ACAD8: variants seen among roughly 807,000 people sequenced by gnomAD.
The protein encoded by ACAD8 is acyl-CoA dehydrogenase family member 8.
In ACAD8, 47 loss-of-function variants were observed where a neutral mutation model predicts 53.1. The ratio of observed to expected loss-of-function variants is 0.89; its 90% CI spans 0.70 to 1.13. The LOEUF is 1.13. ACAD8 is among the 50% of genes most tolerant of loss of function. The pLI, the probability that ACAD8 is intolerant of heterozygous loss-of-function variation, is 0.00. For missense variants in ACAD8, 494 were observed against 535.0 expected, an observed-to-expected ratio of 0.92 and a Z score of 0.76; for synonymous variants, 198 against 201.3, an observed-to-expected ratio of 0.98 and a Z score of 0.14.
intron 1 of ACAD8, among the ~76,000 whole-genome samples, chr11:134,255,344 C>T (rs1180238729): frequency 6.6e-6 from 1 of 152,210 alleles, no homozygotes; most frequent in Non-Finnish European, 1.5e-5. Flanking sequence ...CCATGTTGGA[C>T]AAGCTGGACT....
chr11:134,263,062 T>TA (rs1939994662), intron 10 of ACAD8: 1 of 1,175,784 alleles, frequency 8.5e-7, no homozygotes, highest in Admixed American at 3.8e-5. Context: ...CCTGTCTCAA[T>TA]ATTACTAGTG....
intron 1 of ACAD8, among the ~76,000 whole-genome samples, chr11:134,255,216 A>T (rs1225699647): frequency 6.6e-6 from 1 of 152,174 alleles, no homozygotes; most frequent in East Asian, 1.9e-4. Flanking sequence ...AACTCACCGC[A>T]ACCTCTGCCC....
intron 10 of ACAD8, chr11:134,263,172 G>A (rs1335434553): frequency 9.3e-7 from 1 of 1,069,732 alleles, no homozygotes; most frequent in Non-Finnish European, 1.1e-6. Flanking sequence ...CGGGCTCGGA[G>A]CCTGGCTGTC....
intron 1 of ACAD8, 31 bp downstream of exon 1, chr11:134,253,740 G>A: frequency 1.3e-6 from 2 of 1,559,454 alleles, no homozygotes; most frequent in Non-Finnish European, 1.7e-6. Context: ...AGTAGGACAG[G>A]TGTCCAGAAC....
At chr11:134,256,240 A>C (rs1027158424) in intron 1 of ACAD8, among the ~76,000 whole-genome samples, 5 of 152,242 alleles carry the variant, frequency 3.3e-5, no homozygotes. Context: ...ATAATGACCA[A>C]AGTTCTAGCA....
chr11:134,256,828 CTT>C, intron 2 of ACAD8, 180 bp downstream of exon 2: 1 of 680,194 alleles, frequency 1.5e-6, no homozygotes, highest in Non-Finnish European at 2.4e-6. Flanking sequence ...TTGTACATAA[CTT>C]TTTTTTTGTT....
chr11:134,256,557 G>A lies in ACAD8; in HGVS notation c.119G>A (p.Gly40Glu). The A allele has an allele frequency of 6.2e-7, 1 of 1,614,132 alleles. No homozygotes were observed. The highest frequency in any genetic ancestry group is 1.3e-5 in the African/African-American group (1 of 75,040). Residue 40 changes from glycine (G) to glutamate (E), a missense_variant, in exon 2 of 11, where the codon GGA (glycine) becomes GAA (glutamate). Coordinates refer to ENST00000281182, the MANE Select transcript of ACAD8 (RefSeq NM_014384.3). ...SLTSCIDPSM[G>E]LNEEQKEFQK... ...GCAATCCTGCCCACAGCTTCCATGG[G>A]ACTTAATGAAGAGCAGAAAGAATTT...
intron 10 of ACAD8, 50 bp downstream of exon 10, chr11:134,262,672 C>T (rs747723603): frequency 2.6e-5 from 41 of 1,558,858 alleles, no homozygotes; most frequent in Non-Finnish European, 3.5e-5. Flanking sequence ...GGGGCGGGAT[C>T]GCTGCTTTCC....
chr11:134,257,532 G>C (rs1226522897), intron 3 of ACAD8, among the ~76,000 whole-genome samples: 1 of 152,040 alleles, frequency 6.6e-6, no homozygotes, highest in Admixed American at 6.5e-5. Context: ...AATTAGCCGG[G>C]TGTGGTGGCT....
chr11:134,258,542 C>T lies in ACAD8; in HGVS notation c.408C>T (p.Phe136=), dbSNP rs143408080. 146 of 1,613,728 alleles carry T rather than the reference C, an allele frequency of 9.0e-5. 1 individual carries two copies. Among genetic ancestry groups the T allele is most frequent in the Middle Eastern group, 1.6e-4 (1 of 6,062 alleles). The change falls in exon 4 of 11, where the codon TTC becomes TTT. Residue 136 remains phenylalanine, a synonymous_variant. Coordinates refer to ENST00000281182, the MANE Select transcript of ACAD8 (RefSeq NM_014384.3). The part of the protein sequence containing the change: ...HNMCAWMIDS[F]GNEEQRHKFC... ...TGTGTGCCTGGATGATTGATAGCTT[C>T]GGAAATGAGGAACAGAGGCACAAAT...
At chr11:134,264,756 T>G (rs905809014) in intron 10 of ACAD8, 152 bp from the exon 11 acceptor site, 1 of 766,696 alleles carries the variant, frequency 1.3e-6, no homozygotes, top group South Asian at 1.4e-5. Flanking sequence ...TAGAGAAGTC[T>G]CTGATAATCT....
At chr11:134,262,097 C>T in intron 9 of ACAD8, 1 of 694,658 alleles carries the variant, frequency 1.4e-6, no homozygotes, top group Non-Finnish European at 2.6e-6. Flanking sequence ...CCATTATACA[C>T]TTCATTATGT....
At chr11:134,264,768 A>C (rs1940091580) in intron 10 of ACAD8, 140 bp from the exon 11 acceptor site, 4 of 805,726 alleles carry the variant, frequency 5.0e-6, no homozygotes, top group Admixed American at 1.8e-5. Context: ...TGATAATCTC[A>C]TCTCTCCCAG....
At chr11:134,262,434 C>T in intron 9 of ACAD8, 86 bp from the exon 10 acceptor site, 1 of 875,082 alleles carries the variant, frequency 1.1e-6, no homozygotes, top group East Asian at 2.6e-5. Context: ...GGCGGGCTGC[C>T]AGATCGTGGG....
At chr11:134,263,194 C>G in intron 10 of ACAD8, 1 of 1,050,966 alleles carries the variant, frequency 9.5e-7, no homozygotes, top group East Asian at 8.6e-5. Context: ...CCACTCTCTA[C>G]AGCCAGTGCG....
rs781149925 is a variant in ACAD8, at chr11:134,256,610, C to T, written c.172C>T (p.Arg58Ter). ...AAAAGTGGCCTTTGACTTTGCTGCCCGAGAGATGGCTCCAAATATGGCAGA... is the reference window on the plus strand; with the variant it reads ...AAAAGTGGCCTTTGACTTTGCTGCCTGAGAGATGGCTCCAAATATGGCAGA... ...FQKVAFDFAA[R>*]EMAPNMAEWD... Residue 58 changes from arginine to a stop codon, truncating the protein, a stop_gained, in exon 2 of 11, where the codon CGA becomes TGA. Transcript: ENST00000281182. LOFTEE classifies it high-confidence loss of function. The T allele has an allele frequency of 9.3e-6, 15 of 1,613,998 alleles. No homozygotes were observed. The highest frequency in any genetic ancestry group is 6.7e-5 in the Admixed American group (4 of 60,000).
chr11:134,259,525 G>T (rs1939748569), intron 5 of ACAD8, 83 bp from the exon 6 acceptor site: 1 of 1,580,192 alleles, frequency 6.3e-7, no homozygotes, highest in Non-Finnish European at 8.7e-7. Context: ...GGACCTTATT[G>T]TCAGGAGGAC....
chr11:134,253,999 C>T (rs1461462037), intron 1 of ACAD8, among the ~76,000 whole-genome samples: 2 of 147,656 alleles, frequency 1.4e-5, no homozygotes, highest in African/African-American at 4.9e-5. Flanking sequence ...CACCCCCGCC[C>T]CGGTCCTCCT....
rs1428306905 is a variant in ACAD8 at position 134,261,285 on chromosome 11, C to T, written c.852C>T (p.Ser284=). The T allele has an allele frequency of 3.7e-6, 6 of 1,614,186 alleles. No homozygotes were observed. The highest frequency in any genetic ancestry group is 5.1e-6 in the Non-Finnish European group (6 of 1,180,042). ...NGGRINIASC[S]LGAAHASVIL... is the part of the protein sequence containing the mutation. ...GCTCTTCCCCTCTAGCTTCCTGCTC[C>T]CTGGGGGCTGCCCACGCCTCTGTCA... The change falls in exon 8 of 11, where the codon TCC becomes TCT. Residue 284 remains serine, a synonymous_variant. Coordinates refer to ENST00000281182, the MANE Select transcript of ACAD8 (RefSeq NM_014384.3). The surrounding 1 kb of genome is among the most constrained non-coding windows in gnomAD (Gnocchi z 4.2).
Sources: allele counts gnomAD v4.1 joint callset (sites outside exome capture counted in the v4.1 genomes callset), GRCh38; gene constraint gnomAD v4.1.1; non-coding constraint Gnocchi (gnomAD v3.1); transcripts MANE v1.5; gene names NCBI Gene and HGNC (gene_info 2026-07-23, HGNC 2026-07-21).